The following GALNT14 variants were observed in gnomAD, a reference collection of about 807,000 sequenced individuals.
GALNT14 encodes UDP-GalNAc:polypeptide N-acetylgalactosaminyltransferase 14.
GALNT14 carries 60 observed loss-of-function variants against 77.5 expected under a neutral mutation model. That is an observed-to-expected ratio of 0.77 (90% CI 0.63 to 0.96). The LOEUF is 0.96. GALNT14 is among the 40% of genes least tolerant of loss of function. The pLI is 0.00. For missense variants in GALNT14, 710 were observed against 731.0 expected (o/e 0.97, Z 0.33); for synonymous variants, 280 against 281.7 (o/e 0.99, Z 0.06).
the GALNT14 span, among the ~76,000 whole-genome samples, chr2:30,893,724 T>C: frequency 2.0e-5 from 3 of 151,436 alleles, no homozygotes; most frequent in Admixed American, 2.0e-4. Flanking sequence ...CGTTGCGGAG[T>C]AGGGGATTTC....
intron 2 of GALNT14, among the ~76,000 whole-genome samples, chr2:30,989,873 C>T (rs938524251): frequency 6.6e-6 from 1 of 151,780 alleles, no homozygotes; most frequent in East Asian, 1.9e-4. Context: ...GGACTGTAAA[C>T]AGGGCAATCT....
chr2:31,014,571 C>T (rs1468658611), intron 1 of GALNT14, among the ~76,000 whole-genome samples: 4 of 152,300 alleles, frequency 2.6e-5, no homozygotes, highest in South Asian at 2.1e-4. Flanking sequence ...CTTCTGAAGG[C>T]CTGAACAGGT....
At chr2:30,933,684 C>T (rs555204287) in intron 9 of GALNT14, among the ~76,000 whole-genome samples, 1 of 152,294 alleles carries the variant, frequency 6.6e-6, no homozygotes, top group African/African-American at 2.4e-5. Context: ...CTCATGACTG[C>T]TACTGAATCA....
chr2:31,101,496 A>C (rs1341552971), intron 1 of GALNT14, among the ~76,000 whole-genome samples: 2 of 151,808 alleles, frequency 1.3e-5, no homozygotes, highest in Non-Finnish European at 2.9e-5. Flanking sequence ...TTTTAAAAAA[A>C]TTTCTGCCTT....
At chr2:31,088,630 T>C (rs1461145690) in intron 1 of GALNT14, among the ~76,000 whole-genome samples, 1 of 152,218 alleles carries the variant, frequency 6.6e-6, no homozygotes, top group African/African-American at 2.4e-5. Flanking sequence ...GCTAGTTGTA[T>C]GCCACTAAGA....
At chr2:31,056,735 G>A (rs1480030737) in intron 1 of GALNT14, among the ~76,000 whole-genome samples, 1 of 152,178 alleles carries the variant, frequency 6.6e-6, no homozygotes, top group Non-Finnish European at 1.5e-5. Flanking sequence ...TCGTGATATA[G>A]TGATACAAGT....
At chr2:31,113,316 C>G (rs1484678206) in intron 1 of GALNT14, among the ~76,000 whole-genome samples, 1 of 152,072 alleles carries the variant, frequency 6.6e-6, no homozygotes, top group South Asian at 2.1e-4. Context: ...ATCTGCCGGG[C>G]TGGGTGGAGA....
At chr2:30,898,653 CT>C in the GALNT14 span, among the ~76,000 whole-genome samples, 1 of 152,178 alleles carries the variant, frequency 6.6e-6, no homozygotes, top group East Asian at 1.9e-4. Flanking sequence ...AGCCTTTATG[CT>C]TTAGTGGGGC....
intron 1 of GALNT14, among the ~76,000 whole-genome samples, chr2:31,026,969 G>T (rs1235197454): frequency 1.3e-5 from 2 of 152,158 alleles, no homozygotes; most frequent in Non-Finnish European, 2.9e-5. Context: ...TTTTATGAAT[G>T]AAACTCCTTT....
At chr2:30,910,171 T>G (rs1164710652), downstream of GALNT14, among the ~76,000 whole-genome samples, 2 of 151,706 alleles carry the variant, frequency 1.3e-5, no homozygotes, top group African/African-American at 4.8e-5. Context: ...GTAACTAACC[T>G]GCACAATGTG....
chr2:31,104,670 T>C (rs1677462396), intron 1 of GALNT14, among the ~76,000 whole-genome samples: 1 of 152,212 alleles, frequency 6.6e-6, no homozygotes, highest in South Asian at 2.1e-4. Flanking sequence ...TCTTTGAAAG[T>C]CTGAAACAGT....
At chr2:30,981,167 A>T (rs986798250) in intron 2 of GALNT14, among the ~76,000 whole-genome samples, 1 of 152,242 alleles carries the variant, frequency 6.6e-6, no homozygotes, top group Admixed American at 6.5e-5. Flanking sequence ...TCCTCAAGCC[A>T]ATCCTACCAG....
intron 1 of GALNT14, among the ~76,000 whole-genome samples, chr2:31,094,940 A>G (rs558951168): frequency 8.9e-4 from 135 of 152,346 alleles, no homozygotes; most frequent in African/African-American, 2.8e-3. Flanking sequence ...CACAGCCACA[A>G]GATAGGAATA....
intron 9 of GALNT14, among the ~76,000 whole-genome samples, chr2:30,940,876 G>A (rs1350976451): frequency 1.3e-5 from 2 of 152,188 alleles, no homozygotes; most frequent in South Asian, 2.1e-4. Context: ...GTGTTTTTCT[G>A]TTTTGTTTGC....
intron 1 of GALNT14, chr2:31,078,801 G>T: frequency 1.6e-6 from 1 of 636,048 alleles, no homozygotes; most frequent in Non-Finnish European, 2.4e-6. Context: ...GAACAGCACA[G>T]GCACACAAGA....
At chr2:31,084,517 G>A (rs1231865207) in intron 1 of GALNT14, among the ~76,000 whole-genome samples, 1 of 152,210 alleles carries the variant, frequency 6.6e-6, no homozygotes, top group East Asian at 1.9e-4. Flanking sequence ...TTAGTGCCCT[G>A]AGGTGATGCT....
chr2:31,050,296 T>C (rs1320370369), intron 1 of GALNT14, among the ~76,000 whole-genome samples: 1 of 152,200 alleles, frequency 6.6e-6, no homozygotes, highest in African/African-American at 2.4e-5. Flanking sequence ...CATTAGTTGT[T>C]GTAAAATATT....
At chr2:31,035,097 T>C (rs1183908439) in intron 1 of GALNT14, among the ~76,000 whole-genome samples, 1 of 152,244 alleles carries the variant, frequency 6.6e-6, no homozygotes, top group Admixed American at 6.5e-5. Context: ...TATAAGTATC[T>C]ATTAGGCCAA....
intron 1 of GALNT14, among the ~76,000 whole-genome samples, chr2:31,098,753 A>G (rs1677118782): frequency 6.6e-6 from 1 of 152,156 alleles, no homozygotes; most frequent in African/African-American, 2.4e-5. Flanking sequence ...TAACATAAAC[A>G]GCCCATTAGC....
Sources: allele counts gnomAD v4.1 joint callset (sites outside exome capture counted in the v4.1 genomes callset), GRCh38; gene constraint gnomAD v4.1.1; transcripts MANE v1.5; gene names NCBI Gene and HGNC (gene_info 2026-07-23, HGNC 2026-07-21).